C1QTNF3: variants seen among roughly 807,000 people sequenced by gnomAD.
C1QTNF3 encodes the protein complement C1q tumor necrosis factor-related protein 3.
Under a neutral mutation model 32.6 loss-of-function variants are expected in C1QTNF3, and 26 were observed. That is an observed-to-expected ratio of 0.80 (90% CI 0.58 to 1.11). The LOEUF (loss-of-function observed/expected upper bound fraction) is 1.11, where lower values mean the gene tolerates loss of function less well. Ranked by LOEUF, C1QTNF3 falls within the 50% of genes least tolerant of loss-of-function variation. C1QTNF3 has a pLI of 0.00. For synonymous variants in C1QTNF3, 155 were observed against 146.0 expected (o/e 1.06, Z -0.44); for missense variants, 362 against 398.2 (o/e 0.91, Z 0.77).
chr5:34,113,203 G>C, the C1QTNF3 span, among the ~76,000 whole-genome samples: 1 of 144,088 alleles, frequency 6.9e-6, no homozygotes, highest in Admixed American at 7.3e-5. Context: ...GCTTTTGCTT[G>C]TGAATATAAC....
the C1QTNF3 span, among the ~76,000 whole-genome samples, chr5:34,080,047 A>G: frequency 6.6e-6 from 1 of 151,788 alleles, no homozygotes; most frequent in East Asian, 1.9e-4. Flanking sequence ...CTCCAAATTC[A>G]TCACGTTGTA....
At chr5:34,208,994 A>G in the C1QTNF3 span, among the ~76,000 whole-genome samples, 39 of 152,348 alleles carry the variant, frequency 2.6e-4, 1 homozygote, top group South Asian at 8.1e-3. Context: ...TGCTGTAGGT[A>G]GTGGAGTGTG....
At chr5:34,056,448 G>GTATATA in the C1QTNF3 span, among the ~76,000 whole-genome samples, 7 of 42,690 alleles carry the variant, frequency 1.6e-4, no homozygotes, top group African/African-American at 5.8e-4. Flanking sequence ...GTGTGTGTGT[G>GTATATA]TGTGTGTATA....
the C1QTNF3 span, among the ~76,000 whole-genome samples, chr5:34,104,545 A>C: frequency 1.9e-5 from 1 of 52,774 alleles, no homozygotes; most frequent in Non-Finnish European, 3.7e-5. Flanking sequence ...TATTTTATGT[A>C]TTTTTTTGAG....
the C1QTNF3 span, among the ~76,000 whole-genome samples, chr5:34,233,584 T>A: frequency 6.6e-6 from 1 of 152,068 alleles, no homozygotes; most frequent in Non-Finnish European, 1.5e-5. Context: ...CCCATTTGAT[T>A]ACACTGAACT....
intron 1 of C1QTNF3, among the ~76,000 whole-genome samples, chr5:34,040,307 C>T (rs1021588852): frequency 2.0e-5 from 3 of 151,994 alleles, no homozygotes; most frequent in Admixed American, 6.6e-5. Flanking sequence ...AGATGGAGGC[C>T]TAGGGGTAGG....
At chr5:34,225,443 G>C in the C1QTNF3 span, among the ~76,000 whole-genome samples, 1 of 151,928 alleles carries the variant, frequency 6.6e-6, no homozygotes, top group Non-Finnish European at 1.5e-5. Context: ...AATACTTCAA[G>C]ACAACTTTTC....
chr5:34,116,095 T>A, the C1QTNF3 span, among the ~76,000 whole-genome samples: 4 of 152,196 alleles, frequency 2.6e-5, no homozygotes, highest in Admixed American at 2.6e-4. Flanking sequence ...CTCAAAGCAT[T>A]TTCAAACCTT....
At chr5:34,052,243 T>A in the C1QTNF3 span, among the ~76,000 whole-genome samples, 2 of 152,242 alleles carry the variant, frequency 1.3e-5, no homozygotes, top group African/African-American at 2.4e-5. Flanking sequence ...TCCCACTCGA[T>A]AGACATCCTT....
At chr5:34,143,126 G>T in the C1QTNF3 span, among the ~76,000 whole-genome samples, 5 of 152,322 alleles carry the variant, frequency 3.3e-5, no homozygotes, top group East Asian at 9.6e-4. Flanking sequence ...TTCACTACAA[G>T]ATATATAATC....
At chr5:34,020,842 TC>T in intron 5 of C1QTNF3, 100 bp from the exon 6 acceptor site, 1 of 1,263,358 alleles carries the variant, frequency 7.9e-7, no homozygotes, top group Non-Finnish European at 1.1e-6. Flanking sequence ...ACAGGTATAA[TC>T]CTGCGGCTAA....
chr5:34,088,167 G>A, the C1QTNF3 span, among the ~76,000 whole-genome samples: 228 of 152,336 alleles, frequency 1.5e-3, no homozygotes, highest in Non-Finnish European at 2.9e-3. Context: ...TCAAGTAGCA[G>A]ATGGGTTAGG....
the C1QTNF3 span, among the ~76,000 whole-genome samples, chr5:34,160,884 G>GA: frequency 8.5e-4 from 116 of 137,208 alleles, 1 homozygote; most frequent in South Asian, 4.0e-3. Flanking sequence ...ACTAGCAAAA[G>GA]AAAAAAAAAA....
At chr5:34,242,083 T>A in the C1QTNF3 span, among the ~76,000 whole-genome samples, 2 of 151,966 alleles carry the variant, frequency 1.3e-5, no homozygotes, top group Non-Finnish European at 2.9e-5. Flanking sequence ...AAAATGGCCA[T>A]ACTGCCCAAA....
the C1QTNF3 span, among the ~76,000 whole-genome samples, chr5:34,125,266 G>A: frequency 6.6e-5 from 10 of 151,906 alleles, no homozygotes; most frequent in Non-Finnish European, 1.3e-4. Context: ...ATGCATATAA[G>A]CTAAGGAAAT....
the C1QTNF3 span, among the ~76,000 whole-genome samples, chr5:34,139,664 A>T: frequency 2.6e-5 from 4 of 152,340 alleles, no homozygotes; most frequent in East Asian, 7.7e-4. Flanking sequence ...CAGAAATAAA[A>T]TGATAGAACT....
chr5:34,208,140 G>T, the C1QTNF3 span, among the ~76,000 whole-genome samples: 4,763 of 152,146 alleles, frequency 0.031, 197 homozygotes, highest in African/African-American at 0.11. Flanking sequence ...ATTTAGTCTT[G>T]CAGTGTCCAT....
the C1QTNF3 span, among the ~76,000 whole-genome samples, chr5:34,212,276 C>T: frequency 1.3e-5 from 2 of 152,052 alleles, no homozygotes; most frequent in African/African-American, 4.8e-5. Context: ...AAGACTTAAA[C>T]GTTAGACCTA....
At position 34,019,971 on chromosome 5, in the gene C1QTNF3, C is replaced by A. The variant is rs1037518377; in HGVS notation, c.*612G>T. 3 of 152,328 alleles carry A rather than the reference C, an allele frequency of 2.0e-5. No homozygotes were observed. The highest frequency in any genetic ancestry group is 7.2e-5 in the African/African-American group (3 of 41,448). The allele number at this position is 152,328 out of a possible 1,614,324, so 9.4% of individuals were successfully genotyped here. On this transcript the variant is annotated 3_prime_UTR_variant, in exon 6 of 6. Transcript: ENST00000382065. ...ATGTGGGGGAACATACACAAAATTA[C>A]AACCACATTACTGGTCAAGCACTTT...
Sources: gnomAD v4.1 joint callset for allele counts (sites outside exome capture counted in the v4.1 genomes callset) on GRCh38, gnomAD v4.1.1 for gene constraint, MANE v1.5 for transcripts, NCBI Gene and HGNC (gene_info 2026-07-23, HGNC 2026-07-21) for gene names.